The following CAPN6 variants were observed in gnomAD, a reference collection of about 807,000 sequenced individuals.
CAPN6 encodes calpain-6.
A neutral mutation model predicts 46.0 loss-of-function variants in CAPN6; 16 were observed. The observed-to-expected ratio is 0.35, with a 90% confidence interval of 0.24 to 0.53. The LOEUF (loss-of-function observed/expected upper bound fraction) is 0.53, where lower values mean the gene tolerates loss of function less well. Among genes scored for constraint, CAPN6 ranks in the 20% least tolerant of loss-of-function variants. The pLI is 0.94. For synonymous variants in CAPN6, 206 were observed against 172.8 expected (o/e 1.19, Z -1.51); for missense variants, 461 against 498.0 (o/e 0.93, Z 0.71).
chrX:111,251,486 G>T, intron 6 of CAPN6, 63 bp downstream of exon 6: 1 of 998,255 alleles, frequency 1.0e-6, no homozygotes, highest in Non-Finnish European at 1.4e-6. Context: ...CAGTCTGGAG[G>T]GATGGGTCTG....
Position 111,246,370 on chromosome X carries a change from C to T in CAPN6, c.*207G>A. The T allele has an allele frequency of 4.8e-6, 2 of 420,113 alleles. No homozygotes were observed. The highest frequency in any genetic ancestry group is 4.2e-5 in the South Asian group (1 of 23,778). 34.6% of individuals were successfully genotyped at this position (420,113 alleles called of 1,213,427 possible). A position where few individuals can be genotyped will look rare whatever the true frequency, so the allele number is the denominator to read the frequency against. ...GATGTCTAGATAGGACTGTCGCCTC[C>T]CCATGTCCAGCTGCTGGAGGTATAT... On this transcript the variant is annotated 3_prime_UTR_variant, in exon 13 of 13. Coordinates refer to ENST00000324068, the MANE Select transcript of CAPN6 (RefSeq NM_014289.4).
chrX:111,252,969 C>A (rs1477207578), intron 4 of CAPN6, 39 bp downstream of exon 4: 1 of 1,100,752 alleles, frequency 9.1e-7, no homozygotes, highest in East Asian at 3.0e-5. Flanking sequence ...TTCCTTTCCT[C>A]ATGTACCCTG....
At chrX:111,247,745 G>T in intron 11 of CAPN6, 126 bp downstream of exon 11, 1 of 820,398 alleles carries the variant, frequency 1.2e-6, no homozygotes, top group Non-Finnish European at 1.7e-6. Context: ...TGCCATGGTT[G>T]CCATCCATTC....
At chrX:111,269,573 T>G (rs2147542490) in intron 1 of CAPN6, among the ~76,000 whole-genome samples, 1 of 111,861 alleles carries the variant, frequency 8.9e-6, no homozygotes, top group South Asian at 3.8e-4. Flanking sequence ...TTGTTTCCAT[T>G]ACAATGCACC....
rs1440133171 is a variant in CAPN6 at position 111,253,081 on chromosome X, C to T, written c.433G>A (p.Gly145Arg). Residue 145 changes from glycine to arginine, a missense_variant, in exon 4 of 13, where the codon GGA becomes AGA. Coordinates refer to ENST00000324068, the MANE Select transcript of CAPN6 (RefSeq NM_014289.4). ...GTGGAGAAAGAGAAGACCAGATCTC[C>T]GTTAATGGTGGGCAACAAGTCATCA... is the stretch of plus-strand genomic sequence containing the variant. ...VIDDLLPTIN[G>R]DLVFSFSTSM... The T allele has an allele frequency of 8.3e-7, 1 of 1,210,791 alleles. No homozygotes were observed. Among genetic ancestry groups the T allele is most frequent in the Non-Finnish European group, 1.1e-6 (1 of 894,507 alleles).
At chrX:111,258,319 G>T (rs1366203376) in intron 2 of CAPN6, among the ~76,000 whole-genome samples, 1 of 112,076 alleles carries the variant, frequency 8.9e-6, no homozygotes, top group Non-Finnish European at 1.9e-5. Context: ...AGTGCTACGT[G>T]CAATCTAGCA....
chrX:111,253,435 A>G (rs372713557), intron 3 of CAPN6, among the ~76,000 whole-genome samples: 1 of 112,532 alleles, frequency 8.9e-6, no homozygotes, highest in African/African-American at 3.2e-5. Flanking sequence ...GCCTGTCTAA[A>G]TGCACACAGG....
intron 1 of CAPN6, among the ~76,000 whole-genome samples, chrX:111,268,163 T>C (rs1271183796): frequency 9.0e-6 from 1 of 111,247 alleles, no homozygotes; most frequent in Non-Finnish European, 1.9e-5. Flanking sequence ...CCCACTGCCT[T>C]ATATAGGATG....
Position 111,251,532 on chromosome X carries a change from A to G in CAPN6, c.893+17T>C. On this transcript the variant is annotated intron_variant, in intron 6 of 12. Coordinates refer to ENST00000324068, the MANE Select transcript of CAPN6 (RefSeq NM_014289.4). ...AGGGCTTTGGAGATGTAGCTGTGAAAGTGGAATGCAACTCACATTTCACTC... is the reference window on the plus strand; with the variant it reads ...AGGGCTTTGGAGATGTAGCTGTGAAGGTGGAATGCAACTCACATTTCACTC... 1 of 1,173,837 alleles carries G rather than the reference A, an allele frequency of 8.5e-7. No homozygotes were observed. The highest frequency in any genetic ancestry group is 1.2e-6 in the Non-Finnish European group (1 of 862,813).
intron 2 of CAPN6, among the ~76,000 whole-genome samples, chrX:111,257,171 G>T (rs751389523): frequency 9.0e-6 from 1 of 111,492 alleles, no homozygotes; most frequent in Admixed American, 9.5e-5. Flanking sequence ...ATCCATCCCT[G>T]TGCCTTTAGG....
chrX:111,260,032 G>A (rs1340325351), intron 2 of CAPN6, among the ~76,000 whole-genome samples: 1 of 112,439 alleles, frequency 8.9e-6, no homozygotes, highest in Non-Finnish European at 1.9e-5. Context: ...AAGTCCAGGA[G>A]CACATGGTCT....
Position 111,247,573 on chromosome X carries a change from T to A in CAPN6, c.1607-69A>T, listed in dbSNP as rs1005412948. 8 of 1,083,304 alleles carry A rather than the reference T, an allele frequency of 7.4e-6. No individual in the cohort carries two copies. In the African/African-American group the frequency reaches 1.1e-4, roughly 15 times the overall value. 89.3% of individuals were successfully genotyped at this position (1,083,304 alleles called of 1,213,427 possible). On this transcript the variant is annotated intron_variant, in intron 11 of 12. Coordinates refer to ENST00000324068, the MANE Select transcript of CAPN6 (RefSeq NM_014289.4). Reference sequence around the variant, plus strand: ...CCTTTTCTAGATAGACAAGAAGGTATCTCGCTAAGCCAATTCTGGGACTTT... The same window carrying A: ...CCTTTTCTAGATAGACAAGAAGGTAACTCGCTAAGCCAATTCTGGGACTTT...
chrX:111,256,656 TA>T (rs1277524358), intron 2 of CAPN6, among the ~76,000 whole-genome samples: 1 of 111,526 alleles, frequency 9.0e-6, no homozygotes, highest in African/African-American at 3.3e-5. Flanking sequence ...ATTGAAGACA[TA>T]AAGGGTCACA....
intron 1 of CAPN6, among the ~76,000 whole-genome samples, chrX:111,265,969 T>C (rs759475332): frequency 9.0e-6 from 1 of 111,136 alleles, no homozygotes; most frequent in South Asian, 3.8e-4. Context: ...GTGATCCCAA[T>C]AGACTCTTTC....
chrX:111,267,505 G>C (rs2094992859), intron 1 of CAPN6, among the ~76,000 whole-genome samples: 1 of 111,931 alleles, frequency 8.9e-6, no homozygotes. Context: ...AGTTTAAAGA[G>C]AGAGGTATTT....
intron 2 of CAPN6, among the ~76,000 whole-genome samples, chrX:111,262,703 G>A (rs937124690): frequency 1.8e-5 from 2 of 111,909 alleles, no homozygotes; most frequent in African/African-American, 3.2e-5. Context: ...TAGCAAGGTT[G>A]CAATTTATTC....
intron 3 of CAPN6, 80 bp downstream of exon 3, chrX:111,254,192 A>G (rs888906084): frequency 1.9e-6 from 2 of 1,072,781 alleles, no homozygotes; most frequent in Non-Finnish European, 2.5e-6. Context: ...TAAGGAAGTT[A>G]TGCGCTGATT....
intron 2 of CAPN6, among the ~76,000 whole-genome samples, chrX:111,260,727 A>T (rs2094987287): frequency 1.8e-5 from 2 of 111,072 alleles, no homozygotes; most frequent in South Asian, 7.5e-4. Context: ...GTGGTCCAGA[A>T]CCTTGTTTTT....
chrX:111,270,451 G>A lies in CAPN6; in HGVS notation c.-96C>T. 1 of 320,741 alleles carries A rather than the reference G, an allele frequency of 3.1e-6. No homozygotes were observed. Among genetic ancestry groups the A allele is most frequent in the Non-Finnish European group, 5.9e-6 (1 of 170,867 alleles). The allele number at this position is 320,741 out of a possible 1,213,427, so 26.4% of individuals were successfully genotyped here. ...CCGTTGCCGCTGCTGCTGTTAGCCA[G>A]GTAACCCCACTAAAAGTCTGTTCAG... On this transcript the variant is annotated 5_prime_UTR_variant, in exon 1 of 13. Coordinates refer to ENST00000324068, the MANE Select transcript of CAPN6 (RefSeq NM_014289.4).
Sources: gnomAD v4.1 joint callset for allele counts (sites outside exome capture counted in the v4.1 genomes callset) on GRCh38, gnomAD v4.1.1 for gene constraint, MANE v1.5 for transcripts, NCBI Gene and HGNC (gene_info 2026-07-23, HGNC 2026-07-21) for gene names.